Variants in UBE2E2 observed in about 807,000 individuals in gnomAD.
UBE2E2 encodes the protein ubiquitin conjugating enzyme E2 E2.
Under a neutral mutation model 24.7 loss-of-function variants are expected in UBE2E2, and 6 were observed. The ratio of observed to expected loss-of-function variants is 0.24; its 90% CI spans 0.13 to 0.48. The LOEUF (loss-of-function observed/expected upper bound fraction) is 0.48. UBE2E2 is among the 20% of genes least tolerant of loss of function. The pLI is 0.99. For missense variants in UBE2E2, 169 were observed against 245.0 expected (o/e 0.69, Z 2.07); for synonymous variants, 104 against 83.6 (o/e 1.24, Z -1.33).
chr3:23,388,938 G>A (rs868589798), intron 3 of UBE2E2, among the ~76,000 whole-genome samples: 2 of 150,614 alleles, frequency 1.3e-5, no homozygotes, highest in African/African-American at 4.9e-5. Context: ...GGAGGTGGAG[G>A]TTGCAGTGAG....
chr3:23,521,145 G>A (rs1255836325), intron 4 of UBE2E2, among the ~76,000 whole-genome samples: 1 of 152,102 alleles, frequency 6.6e-6, no homozygotes, highest in African/African-American at 2.4e-5. Context: ...TTTCCTGAAG[G>A]ATGGAGTAAT....
intron 3 of UBE2E2, among the ~76,000 whole-genome samples, chr3:23,352,521 A>T (rs1359493403): frequency 1.3e-5 from 2 of 152,222 alleles, no homozygotes; most frequent in Admixed American, 1.3e-4. Flanking sequence ...AGAAGAAGCA[A>T]ATAGATGCAA....
At chr3:23,489,089 C>T (rs1163321260) in intron 3 of UBE2E2, among the ~76,000 whole-genome samples, 1 of 152,110 alleles carries the variant, frequency 6.6e-6, no homozygotes, top group Non-Finnish European at 1.5e-5. Flanking sequence ...AGAGTCTTCA[C>T]TTTAGAATTA....
intron 3 of UBE2E2, among the ~76,000 whole-genome samples, chr3:23,272,410 G>A (rs1348675762): frequency 6.7e-6 from 1 of 148,872 alleles, no homozygotes; most frequent in East Asian, 2.1e-4. Flanking sequence ...CGCAAGCAGA[G>A]GGGGCTGGCT....
intron 5 of UBE2E2, among the ~76,000 whole-genome samples, chr3:23,566,431 A>C (rs747954506): frequency 2.0e-5 from 3 of 152,200 alleles, no homozygotes; most frequent in Non-Finnish European, 4.4e-5. Flanking sequence ...GGACAGCCTG[A>C]AGACAGACAC....
At chr3:23,499,359 C>G (rs542232882) in intron 3 of UBE2E2, among the ~76,000 whole-genome samples, 1 of 152,320 alleles carries the variant, frequency 6.6e-6, no homozygotes, top group African/African-American at 2.4e-5. Flanking sequence ...AGTCCTTGGA[C>G]TCTTGTTCCA....
intron 5 of UBE2E2, among the ~76,000 whole-genome samples, chr3:23,565,425 A>C (rs1696047742): frequency 7.8e-6 from 1 of 128,612 alleles, no homozygotes; most frequent in African/African-American, 3.0e-5. Flanking sequence ...GTATGTCCTT[A>C]TCCCAAAAAT....
At chr3:23,324,966 C>G (rs1300875684) in intron 3 of UBE2E2, among the ~76,000 whole-genome samples, 1 of 152,060 alleles carries the variant, frequency 6.6e-6, no homozygotes, top group Non-Finnish European at 1.5e-5. Context: ...CACAGTGGAA[C>G]TGAAATGAAA....
chr3:23,425,380 T>C (rs1433493142), intron 3 of UBE2E2, among the ~76,000 whole-genome samples: 2 of 152,204 alleles, frequency 1.3e-5, no homozygotes, highest in African/African-American at 2.4e-5. Context: ...AAATTTTCTT[T>C]AAAATCCCAT....
At chr3:23,494,160 A>G (rs1029426109) in intron 3 of UBE2E2, among the ~76,000 whole-genome samples, 1 of 152,192 alleles carries the variant, frequency 6.6e-6, no homozygotes, top group African/African-American at 2.4e-5. Context: ...TTATTTGTTC[A>G]GCTTGAGAGA....
Position 23,339,856 on chromosome 3 carries a change from A to G in UBE2E2, c.227+122544A>G, listed in dbSNP as rs1388254070. Among the ~76,000 whole-genome samples, 3 of 152,150 alleles carry G rather than the reference A, an allele frequency of 2.0e-5. No individual in the cohort carries two copies. In the East Asian group the frequency reaches 5.8e-4, roughly 29 times the overall value. The stretch of plus-strand genomic sequence containing the variant: ...ATGGATTCATTTTAACCTGATTTAA[A>G]ATAATCAAAGTAGTCAGAGTGATTA... On this transcript the variant is annotated intron_variant, in intron 3 of 5. Coordinates refer to ENST00000396703, the MANE Select transcript of UBE2E2 (RefSeq NM_152653.4).
At chr3:23,298,044 A>T (rs946869122) in intron 3 of UBE2E2, among the ~76,000 whole-genome samples, 2 of 151,762 alleles carry the variant, frequency 1.3e-5, no homozygotes, top group Middle Eastern at 3.4e-3. Context: ...ATTCTCTTTG[A>T]AGCAATTGTG....
At chr3:23,323,135 T>G (rs1158218162) in intron 3 of UBE2E2, among the ~76,000 whole-genome samples, 1 of 152,154 alleles carries the variant, frequency 6.6e-6, no homozygotes, top group African/African-American at 2.4e-5. Context: ...GCTGTACTGT[T>G]GATAAAGAAG....
chr3:23,410,917 GA>G (rs1697481488), intron 3 of UBE2E2, among the ~76,000 whole-genome samples: 1 of 152,044 alleles, frequency 6.6e-6, no homozygotes, highest in African/African-American at 2.4e-5. Context: ...AACACTTAAA[GA>G]AGCGACAGAC....
At chr3:23,434,991 C>T (rs1406318963) in intron 3 of UBE2E2, among the ~76,000 whole-genome samples, 1 of 152,206 alleles carries the variant, frequency 6.6e-6, no homozygotes, top group African/African-American at 2.4e-5. Flanking sequence ...ATCTGGAAAG[C>T]AGTCTTGGTT....
chr3:23,413,206 A>AT (rs1019500810), intron 3 of UBE2E2, among the ~76,000 whole-genome samples: 177 of 82,132 alleles, frequency 2.2e-3, no homozygotes, highest in African/African-American at 0.015. Flanking sequence ...TAATAATAAA[A>AT]TTAAAAAAAA....
At chr3:23,319,380 A>T (rs895407878) in intron 3 of UBE2E2, among the ~76,000 whole-genome samples, 1 of 152,066 alleles carries the variant, frequency 6.6e-6, no homozygotes, top group Non-Finnish European at 1.5e-5. Flanking sequence ...TTTAGCTTCT[A>T]CCTCTGTGAA....
At chr3:23,436,982 C>T (rs1409607179) in intron 3 of UBE2E2, among the ~76,000 whole-genome samples, 1 of 152,182 alleles carries the variant, frequency 6.6e-6, no homozygotes, top group South Asian at 2.1e-4. Flanking sequence ...CTGTGGAGAA[C>T]AAGACATAAG....
In UBE2E2 at chr3:23,566,820, A is replaced by G. The variant is rs191677249; in HGVS notation, c.509-22914A>G. The stretch of plus-strand genomic sequence containing the variant: ...CATGTCAGCAGATTTGGAGGGGACA[A>G]ATACCCAAACCATATCAAGAAAGTA... On this transcript the variant is annotated intron_variant, in intron 5 of 5. Transcript: ENST00000396703. Among the ~76,000 whole-genome samples the G allele has an allele frequency of 5.0e-4, 76 of 152,286 alleles. 2 individuals carry two copies. Among genetic ancestry groups the G allele is most frequent in the Admixed American group, 4.2e-3 (64 of 15,282 alleles).
Sources: gnomAD v4.1 joint callset for allele counts (sites outside exome capture counted in the v4.1 genomes callset) on GRCh38, gnomAD v4.1.1 for gene constraint, MANE v1.5 for transcripts, NCBI Gene and HGNC (gene_info 2026-07-23, HGNC 2026-07-21) for gene names.